Variants in ASPH observed in about 807,000 individuals in gnomAD.
ASPH encodes the protein aspartyl/asparaginyl beta-hydroxylase.
ASPH carries 100 observed loss-of-function variants against 118.4 expected under a neutral mutation model. The ratio of observed to expected loss-of-function variants is 0.84; its 90% CI spans 0.72 to 1.00. ASPH has a LOEUF of 1.00. Among genes scored for constraint, ASPH ranks in the 50% least tolerant of loss-of-function variants. The pLI, the probability that ASPH is intolerant of heterozygous loss-of-function variation, is 0.00. For synonymous variants in ASPH, 315 were observed against 325.6 expected, an observed-to-expected ratio of 0.97 and a Z score of 0.35; for missense variants, 920 against 919.5, an observed-to-expected ratio of 1.00 and a Z score of -0.01.
chr8:61,675,724 G>C (rs1186417190), intron 3 of ASPH: 1 of 1,051,072 alleles, frequency 9.5e-7, no homozygotes, highest in Non-Finnish European at 1.1e-6. Context: ...AAGCATCAAG[G>C]GTTAACCACA....
intron 13 of ASPH, chr8:61,625,563 T>C (rs1227427261): frequency 2.0e-6 from 2 of 984,952 alleles, no homozygotes; most frequent in Non-Finnish European, 2.4e-6. Flanking sequence ...TTTTTCCTTG[T>C]GTCTTAACAA....
At chr8:61,584,816 T>C (rs1045498984) in intron 14 of ASPH, among the ~76,000 whole-genome samples, 4 of 152,086 alleles carry the variant, frequency 2.6e-5, no homozygotes, top group Non-Finnish European at 5.9e-5. Flanking sequence ...ACCTGTGCCA[T>C]TTCTTATGCT....
rs566686722 is a variant in ASPH, at chr8:61,568,229, A to G, written c.1150-911T>C. 6.6e-5 allele frequency among the ~76,000 whole-genome samples: 10 copies of G among 152,346 alleles called. No homozygotes were observed. In the South Asian group the frequency reaches 2.1e-3, roughly 32 times the overall value. On this transcript the variant is annotated intron_variant, in intron 16 of 24. Coordinates refer to ENST00000379454, the MANE Select transcript of ASPH (RefSeq NM_004318.4). ...AACAGACTGAGAAGCTGGGAGAGGC[A>G]GAACACTCCAGCAGGAATCCAGGTG...
intron 24 of ASPH, among the ~76,000 whole-genome samples, chr8:61,509,165 CT>C (rs1807844078): frequency 6.6e-6 from 1 of 152,112 alleles, no homozygotes; most frequent in Admixed American, 6.5e-5. Context: ...CATAGTGTTA[CT>C]GGAAAGGAGC....
intron 3 of ASPH, among the ~76,000 whole-genome samples, chr8:61,669,011 T>C (rs1436123646): frequency 7.9e-5 from 12 of 152,368 alleles, no homozygotes; most frequent in Admixed American, 6.5e-4. Flanking sequence ...GTTTATGCTA[T>C]GTATTGGCAA....
At chr8:61,545,714 GCTTCTTT>G (rs1413003072) in intron 21 of ASPH, among the ~76,000 whole-genome samples, 1 of 152,206 alleles carries the variant, frequency 6.6e-6, no homozygotes, top group Non-Finnish European at 1.5e-5. Flanking sequence ...AATCAATCAT[GCTTCTTT>G]CTTCTTAACA....
chr8:61,566,735 C>T (rs1472207533), intron 17 of ASPH, among the ~76,000 whole-genome samples: 1 of 152,226 alleles, frequency 6.6e-6, no homozygotes, highest in Non-Finnish European at 1.5e-5. Flanking sequence ...AGGCAAGACC[C>T]TCCATCAGCA....
intron 21 of ASPH, among the ~76,000 whole-genome samples, chr8:61,535,517 C>T (rs901971179): frequency 2.0e-5 from 3 of 152,160 alleles, no homozygotes; most frequent in African/African-American, 7.2e-5. Context: ...GAGTTTTATA[C>T]ATTCCTTGAA....
At chr8:61,677,355 G>A (rs1259106286) in intron 3 of ASPH, among the ~76,000 whole-genome samples, 1 of 152,100 alleles carries the variant, frequency 6.6e-6, no homozygotes, top group East Asian at 1.9e-4. Flanking sequence ...TTTTGAGGAG[G>A]AATAACAGGG....
chr8:61,593,793 C>T (rs1342879188), intron 14 of ASPH, among the ~76,000 whole-genome samples: 1 of 152,184 alleles, frequency 6.6e-6, no homozygotes, highest in Non-Finnish European at 1.5e-5. Flanking sequence ...CCCTTCAGTG[C>T]CAAAGCAGTC....
chr8:61,522,419 G>C (rs925485287), intron 22 of ASPH, among the ~76,000 whole-genome samples: 5 of 152,126 alleles, frequency 3.3e-5, no homozygotes, highest in Non-Finnish European at 7.3e-5. Context: ...CTCCTAGGTG[G>C]CCACCTTCTT....
At chr8:61,511,592 A>G (rs976191166) in intron 24 of ASPH, among the ~76,000 whole-genome samples, 1 of 152,170 alleles carries the variant, frequency 6.6e-6, no homozygotes, top group Non-Finnish European at 1.5e-5. Flanking sequence ...CTCCGGATCA[A>G]AATTGCTAAT....
chr8:61,590,050 G>T lies in ASPH; in HGVS notation c.977-6021C>A, dbSNP rs185430613. Among the ~76,000 whole-genome samples, 357 of 152,022 alleles carry T rather than the reference G, an allele frequency of 2.3e-3. 3 individuals carry two copies. In the Middle Eastern group the frequency reaches 0.031, roughly 13 times the overall value. On this transcript the variant is annotated intron_variant, in intron 14 of 24. Transcript: ENST00000379454. ...GTTAGGTTTTTTTGTTTGTTTTTTG[G>T]TTTTTTTGTTTTGTTTTTAATGTGA... is the stretch of plus-strand genomic sequence containing the variant.
rs398008041 is a variant in ASPH, at chr8:61,628,323, C to CTTTTT, written c.934+5355_934+5359dup. On this transcript the variant is annotated intron_variant, in intron 13 of 24. Transcript: ENST00000379454. ...TACAGGCACGTGACACCAAGCCCGG[C>CTTTTT]TTTTTTTTTTTTTTTTTTTTTTTTT... is the stretch of plus-strand genomic sequence containing the variant. The CTTTTT allele has an allele frequency of 9.2e-5, 18 of 196,674 alleles. 1 individual carries two copies. The highest frequency in any genetic ancestry group is 3.9e-4 in the African/African-American group (7 of 17,754). 12.2% of individuals were successfully genotyped at this position (196,674 alleles called of 1,614,324 possible). A position where few individuals can be genotyped will look rare whatever the true frequency, so the allele number is the denominator to read the frequency against.
At chr8:61,681,822 T>C (rs1446499386) in intron 2 of ASPH, among the ~76,000 whole-genome samples, 6 of 151,922 alleles carry the variant, frequency 3.9e-5, no homozygotes, top group Non-Finnish European at 1.5e-5. Context: ...TAAGGAACAC[T>C]GTTATTTTGT....
At chr8:61,555,897 A>C (rs759451680) in intron 19 of ASPH, 27 bp downstream of exon 19, 3 of 1,593,468 alleles carry the variant, frequency 1.9e-6, no homozygotes, top group Non-Finnish European at 2.6e-6. Flanking sequence ...TGAAAGATGA[A>C]AGGAGAGGAG....
At chr8:61,641,388 A>G (rs1347596550) in intron 10 of ASPH, among the ~76,000 whole-genome samples, 1 of 152,196 alleles carries the variant, frequency 6.6e-6, no homozygotes, top group Non-Finnish European at 1.5e-5. Context: ...CCATCATTAC[A>G]TGCAACTTGT....
At chr8:61,648,934 A>C (rs909718521) in intron 5 of ASPH, among the ~76,000 whole-genome samples, 2 of 152,228 alleles carry the variant, frequency 1.3e-5, no homozygotes, top group African/African-American at 2.4e-5. Flanking sequence ...CATCTCAGCA[A>C]AAGATATACC....
chr8:61,508,894 T>C (rs1807690747), intron 24 of ASPH, among the ~76,000 whole-genome samples: 1 of 152,206 alleles, frequency 6.6e-6, no homozygotes, highest in South Asian at 2.1e-4. Context: ...AATAAGAATA[T>C]TTGACACAGC....
Sources: gnomAD v4.1 joint callset for allele counts (sites outside exome capture counted in the v4.1 genomes callset) on GRCh38, gnomAD v4.1.1 for gene constraint, MANE v1.5 for transcripts, NCBI Gene and HGNC (gene_info 2026-07-23, HGNC 2026-07-21) for gene names.